The following TMEM161B variants were observed in gnomAD, a reference collection of about 807,000 sequenced individuals.
TMEM161B encodes the protein transmembrane protein 161B.
TMEM161B carries 34 observed loss-of-function variants against 61.8 expected under a neutral mutation model. The observed-to-expected ratio is 0.55, with a 90% CI of 0.42 to 0.73. The LOEUF is 0.73. Ranked by LOEUF, TMEM161B falls within the 30% of genes least tolerant of loss-of-function variation. The probability of loss-of-function intolerance (pLI) is 0.00; values close to 1 mark genes in which losing one functional copy is unlikely to be tolerated. For missense variants in TMEM161B, 456 were observed against 558.5 expected, an observed-to-expected ratio of 0.82 and a Z score of 1.85; for synonymous variants, 167 against 192.8, an observed-to-expected ratio of 0.87 and a Z score of 1.11.
At chr5:88,204,298 G>A (rs1237968733) in intron 8 of TMEM161B, among the ~76,000 whole-genome samples, 1 of 152,092 alleles carries the variant, frequency 6.6e-6, no homozygotes, top group Non-Finnish European at 1.5e-5. Context: ...AACACAATGA[G>A]GGGCTGCAAT....
intron 7 of TMEM161B, among the ~76,000 whole-genome samples, chr5:88,206,174 C>T (rs998943742): frequency 6.6e-6 from 1 of 152,100 alleles, no homozygotes; most frequent in Non-Finnish European, 1.5e-5. Flanking sequence ...CTAACCTACA[C>T]ATTCAACAGG....
chr5:88,227,110 G>A (rs1347297016), intron 3 of TMEM161B, among the ~76,000 whole-genome samples: 3 of 152,186 alleles, frequency 2.0e-5, no homozygotes, highest in African/African-American at 7.2e-5. Context: ...GATCATTTGA[G>A]CCTAAGGAGG....
intron 5 of TMEM161B, among the ~76,000 whole-genome samples, chr5:88,217,704 G>A (rs370207556): frequency 3.3e-5 from 5 of 152,042 alleles, no homozygotes; most frequent in African/African-American, 1.2e-4. Context: ...CTTTGGAGAG[G>A]GTAAAAAGAT....
At chr5:88,229,784 C>CTTGG (rs1376418384) in intron 2 of TMEM161B, among the ~76,000 whole-genome samples, 3 of 151,380 alleles carry the variant, frequency 2.0e-5, no homozygotes, top group African/African-American at 7.3e-5. Flanking sequence ...CAGGGGCTCA[C>CTTGG]TTGGTTGTCC....
At chr5:88,250,861 G>C (rs1754245968) in intron 1 of TMEM161B, 1 of 152,160 alleles carries the variant, frequency 6.6e-6, no homozygotes, top group South Asian at 2.1e-4. Flanking sequence ...GCAGATCTTG[G>C]ACAAGCCCCT....
chr5:88,201,296 A>T (rs1006675839), intron 9 of TMEM161B: 1 of 152,088 alleles, frequency 6.6e-6, no homozygotes, highest in African/African-American at 2.4e-5. Context: ...TTTCTATTAA[A>T]TAAAGTATTC....
At chr5:88,229,403 C>T (rs1433400875) in intron 2 of TMEM161B, among the ~76,000 whole-genome samples, 2 of 152,034 alleles carry the variant, frequency 1.3e-5, no homozygotes, top group African/African-American at 2.4e-5. Context: ...CATCTGACTA[C>T]TGCAAAATTC....
At chr5:88,239,436 T>C (rs572103241) in intron 2 of TMEM161B, among the ~76,000 whole-genome samples, 6 of 152,126 alleles carry the variant, frequency 3.9e-5, no homozygotes, top group African/African-American at 1.4e-4. Flanking sequence ...GCCCAGCTCA[T>C]GTTCATCTTT....
At chr5:88,225,276 G>A (rs943946076) in intron 4 of TMEM161B, among the ~76,000 whole-genome samples, 3 of 152,006 alleles carry the variant, frequency 2.0e-5, no homozygotes, top group Non-Finnish European at 4.4e-5. Context: ...CAAAATATGT[G>A]TTGATTTTTT....
downstream of TMEM161B, among the ~76,000 whole-genome samples, chr5:88,193,201 G>A (rs938016148): frequency 3.9e-5 from 6 of 152,100 alleles, no homozygotes; most frequent in Non-Finnish European, 8.8e-5. Flanking sequence ...ATACAGCTCT[G>A]ATTTTATAGT....
chr5:88,215,541 C>T (rs1335219036), intron 5 of TMEM161B, among the ~76,000 whole-genome samples: 5 of 152,108 alleles, frequency 3.3e-5, no homozygotes, highest in Non-Finnish European at 7.4e-5. Flanking sequence ...ATTTTACTGC[C>T]TTCTTCCCCA....
intron 1 of TMEM161B, among the ~76,000 whole-genome samples, chr5:88,241,730 T>C (rs552443070): frequency 9.4e-4 from 142 of 151,852 alleles, no homozygotes; most frequent in African/African-American, 3.3e-3. Flanking sequence ...CATCAATCCT[T>C]CCCATATTCT....
intron 5 of TMEM161B, among the ~76,000 whole-genome samples, chr5:88,207,656 AAAC>A (rs1367498957): frequency 1.3e-5 from 2 of 152,200 alleles, no homozygotes; most frequent in Admixed American, 6.5e-5. Context: ...TCTTTAGAGA[AAAC>A]AAGTTCCAAC....
At chr5:88,256,581 C>T (rs539802813) in intron 1 of TMEM161B, among the ~76,000 whole-genome samples, 35 of 152,300 alleles carry the variant, frequency 2.3e-4, no homozygotes, top group African/African-American at 8.4e-4. Context: ...CATTGACTTT[C>T]CAACTTCTAC....
intron 1 of TMEM161B, among the ~76,000 whole-genome samples, chr5:88,244,770 A>G (rs977667766): frequency 2.0e-5 from 3 of 151,890 alleles, no homozygotes; most frequent in Admixed American, 6.6e-5. Flanking sequence ...CTTCCTATCC[A>G]AGAGCATGGA....
chr5:88,261,716 T>A (rs1232073515), intron 1 of TMEM161B, among the ~76,000 whole-genome samples: 2 of 56,864 alleles, frequency 3.5e-5, no homozygotes, highest in African/African-American at 6.6e-5. Flanking sequence ...CTGAAACAAC[T>A]AGACATTCAT....
chr5:88,232,384 G>A (rs1224631703), intron 2 of TMEM161B, among the ~76,000 whole-genome samples: 3 of 152,014 alleles, frequency 2.0e-5, no homozygotes, highest in Admixed American at 6.6e-5. Flanking sequence ...GAAGATGAGT[G>A]CATAACATTT....
At chr5:88,205,331 T>C (rs987180614) in intron 8 of TMEM161B, among the ~76,000 whole-genome samples, 1 of 151,980 alleles carries the variant, frequency 6.6e-6, no homozygotes, top group African/African-American at 2.4e-5. Context: ...TTAATAAGAG[T>C]CTAATAAGCA....
At chr5:88,241,580 T>C (rs878866988) in intron 1 of TMEM161B, among the ~76,000 whole-genome samples, 5 of 151,842 alleles carry the variant, frequency 3.3e-5, no homozygotes, top group African/African-American at 1.2e-4. Context: ...TAGGTGGTAG[T>C]GATCACAAAC....
Sources: gnomAD v4.1 joint callset for allele counts (sites outside exome capture counted in the v4.1 genomes callset) on GRCh38, gnomAD v4.1.1 for gene constraint, MANE v1.5 for transcripts, NCBI Gene and HGNC (gene_info 2026-07-23, HGNC 2026-07-21) for gene names.